MARCHF6: variants seen among roughly 807,000 people sequenced by gnomAD.
MARCHF6 encodes the protein membrane associated ring-CH-type finger 6, also known as E3 ubiquitin-protein ligase MARCHF6.
A neutral mutation model predicts 133.7 loss-of-function variants in MARCHF6; 31 were observed. The observed-to-expected ratio is 0.23, with a 90% CI of 0.17 to 0.31. The LOEUF (loss-of-function observed/expected upper bound fraction) is 0.31, where lower values mean the gene tolerates loss of function less well. Ranked by LOEUF, MARCHF6 falls within the 10% of genes least tolerant of loss-of-function variation. MARCHF6 has a pLI of 1.00. For missense variants in MARCHF6, 723 were observed against 1,121.6 expected, an observed-to-expected ratio of 0.64 and a Z score of 5.08; for synonymous variants, 395 against 402.5, an observed-to-expected ratio of 0.98 and a Z score of 0.22.
chr5:10,403,380 T>A, intron 14 of MARCHF6, 27 bp from the exon 15 acceptor site: 1 of 1,599,096 alleles, frequency 6.3e-7, no homozygotes, highest in South Asian at 1.1e-5. Flanking sequence ...GGCACAGATT[T>A]CTCTTACCTG....
At chr5:10,422,555 A>G (rs1326982584) in intron 22 of MARCHF6, among the ~76,000 whole-genome samples, 2 of 152,176 alleles carry the variant, frequency 1.3e-5, no homozygotes, top group Non-Finnish European at 2.9e-5. Flanking sequence ...CGACTGGGTA[A>G]AAGGGACAAA....
rs527310021 is a variant in MARCHF6 at position 10,429,879 on chromosome 5, T to C, written c.2507-14T>C. ...TTCACATACACTGAAAGTTTTTCTT[T>C]TTTGGTTTTCTAGGTGTTACTGCGG... On this transcript the variant is annotated splice_polypyrimidine_tract_variant and intron_variant, in intron 24 of 25. Transcript: ENST00000274140. The C allele has an allele frequency of 5.9e-5, 94 of 1,605,204 alleles. 1 individual carries two copies. In the South Asian group the frequency reaches 1.0e-3, roughly 17 times the overall value.
At chr5:10,407,823 G>A (rs1738992767) in intron 17 of MARCHF6, among the ~76,000 whole-genome samples, 1 of 152,104 alleles carries the variant, frequency 6.6e-6, no homozygotes, top group South Asian at 2.1e-4. Context: ...ATGCGTGGTG[G>A]CGCATGCCTG....
chr5:10,360,241 C>T (rs1735742812), intron 1 of MARCHF6, among the ~76,000 whole-genome samples: 1 of 149,750 alleles, frequency 6.7e-6, no homozygotes, highest in Non-Finnish European at 1.5e-5. Context: ...CCTCCGCCTC[C>T]CAGGTTCAAG....
chr5:10,411,035 T>TAC (rs981815611), intron 18 of MARCHF6, among the ~76,000 whole-genome samples: 4 of 107,788 alleles, frequency 3.7e-5, no homozygotes, highest in African/African-American at 1.4e-4. Context: ...AGTGTACTTG[T>TAC]AAGTATCTTG....
intron 3 of MARCHF6, among the ~76,000 whole-genome samples, chr5:10,380,859 G>A (rs1162574955): frequency 2.0e-5 from 3 of 151,768 alleles, no homozygotes; most frequent in African/African-American, 4.8e-5. Flanking sequence ...CCTGGGAGGC[G>A]GAGTTTGCAG....
At chr5:10,369,080 A>G (rs1736307154) in intron 1 of MARCHF6, among the ~76,000 whole-genome samples, 1 of 152,172 alleles carries the variant, frequency 6.6e-6, no homozygotes, top group South Asian at 2.1e-4. Context: ...ACGCCCATTG[A>G]GGCAGGGAAA....
At chr5:10,372,536 C>A (rs1351025363) in intron 1 of MARCHF6, among the ~76,000 whole-genome samples, 1 of 151,494 alleles carries the variant, frequency 6.6e-6, no homozygotes, top group Non-Finnish European at 1.5e-5. Context: ...TTTTTTTTCC[C>A]CACTTGAGAC....
At chr5:10,414,169 GT>G (rs902853279) in intron 19 of MARCHF6, among the ~76,000 whole-genome samples, 54 of 147,868 alleles carry the variant, frequency 3.7e-4, no homozygotes, top group African/African-American at 9.2e-4. Context: ...TAAGGTGAAT[GT>G]TTTTTTTTTA....
At chr5:10,405,335 C>G (rs1229282165) in intron 15 of MARCHF6, among the ~76,000 whole-genome samples, 1 of 151,888 alleles carries the variant, frequency 6.6e-6, no homozygotes, top group East Asian at 1.9e-4. Context: ...TTCCCCCGCC[C>G]CTAGTGAATG....
chr5:10,401,756 A>C, intron 11 of MARCHF6: 1 of 409,048 alleles, frequency 2.4e-6, no homozygotes, highest in Non-Finnish European at 4.4e-6. Flanking sequence ...TTAGAGTGAG[A>C]GTAGAGGGCA....
chr5:10,372,566 A>C (rs1358139178), intron 1 of MARCHF6, among the ~76,000 whole-genome samples: 1 of 152,162 alleles, frequency 6.6e-6, no homozygotes. Flanking sequence ...CATTGTTTTC[A>C]TATAAACCAA....
rs750689914 is a variant in MARCHF6, at chr5:10,411,512, G to A, written c.1871G>A (p.Arg624His). Residue 624 changes from arginine to histidine, a missense_variant, in exon 19 of 26, where the codon CGC becomes CAC. Coordinates refer to ENST00000274140, the MANE Select transcript of MARCHF6 (RefSeq NM_005885.4). Reference protein sequence around the residue: ...QGGPVGFQPYRRPLNFPLRIF... With the variant: ...QGGPVGFQPYHRPLNFPLRIF... ...GGGCCTGTTGGCTTTCAGCCTTACC[G>A]CCGACCTTTAAATTTTCCACTCAGG... is the stretch of plus-strand genomic sequence containing the variant. 1.5e-5 allele frequency: 24 copies of A among 1,613,828 alleles called. No homozygotes were observed. The highest frequency in any genetic ancestry group is 5.5e-5 in the South Asian group (5 of 91,044).
At chr5:10,358,341 G>A (rs1188597901) in intron 1 of MARCHF6, among the ~76,000 whole-genome samples, 1 of 152,124 alleles carries the variant, frequency 6.6e-6, no homozygotes, top group Non-Finnish European at 1.5e-5. Context: ...AGTGAGATAG[G>A]GAGCTATGGG....
At position 10,391,488 on chromosome 5, in the gene MARCHF6, A is replaced by G. The variant is rs894109426; in HGVS notation, c.577-54A>G. The G allele has an allele frequency of 1.1e-5, 10 of 921,948 alleles. No homozygotes were observed. The African/African-American group carries it at 1.6e-4, about 15-fold the overall frequency. The allele number at this position is 921,948 out of a possible 1,614,324, so 57.1% of individuals were successfully genotyped here. Reference sequence around the variant, plus strand: ...TTAGCAGGAATAATGTGATTTGGAAACAGAGCAAAACAGACAAGTGGATCT... The same window carrying G: ...TTAGCAGGAATAATGTGATTTGGAAGCAGAGCAAAACAGACAAGTGGATCT... On this transcript the variant is annotated intron_variant, in intron 6 of 25. Coordinates refer to ENST00000274140, the MANE Select transcript of MARCHF6 (RefSeq NM_005885.4).
Position 10,420,436 on chromosome 5 carries a change from G to A in MARCHF6, c.2283+3032G>A, listed in dbSNP as rs550991311. 2.3e-4 allele frequency among the ~76,000 whole-genome samples: 35 copies of A among 152,242 alleles called. 1 individual carries two copies. The highest frequency in any genetic ancestry group is 1.2e-3 in the Admixed American group (19 of 15,292). ...TGGCTCAAAGGGAAACACACAACTA[G>A]TGGAGGGGTCAGGCTGACAATACCC... is the stretch of plus-strand genomic sequence containing the variant. On this transcript the variant is annotated intron_variant, in intron 22 of 25. Transcript: ENST00000274140.
chr5:10,426,650 A>G (rs1222208665), intron 24 of MARCHF6, 128 bp downstream of exon 24: 15 of 1,032,858 alleles, frequency 1.5e-5, no homozygotes, highest in Admixed American at 1.1e-4. Context: ...AGCTAAGACA[A>G]TGATTTCAAA....
At chr5:10,429,481 C>G (rs376583018) in intron 24 of MARCHF6, among the ~76,000 whole-genome samples, 3 of 151,716 alleles carry the variant, frequency 2.0e-5, no homozygotes, top group African/African-American at 7.3e-5. Context: ...TCCCTGCAAC[C>G]TCCACCTCTC....
intron 22 of MARCHF6, 132 bp downstream of exon 22, chr5:10,417,536 A>C: frequency 8.6e-7 from 1 of 1,157,790 alleles, no homozygotes; most frequent in South Asian, 1.3e-5. Context: ...GCTTGCACCC[A>C]GGAGTTCGAG....
Sources: gnomAD v4.1 joint callset for allele counts (sites outside exome capture counted in the v4.1 genomes callset) on GRCh38, gnomAD v4.1.1 for gene constraint, MANE v1.5 for transcripts, NCBI Gene and HGNC (gene_info 2026-07-23, HGNC 2026-07-21) for gene names.